The following SSPN variants were observed in gnomAD, a reference collection of about 807,000 sequenced individuals.
SSPN encodes the protein K-ras oncogene-associated protein.
SSPN carries 15 observed loss-of-function variants against 19.1 expected under a neutral mutation model. The observed-to-expected ratio is 0.78, with a 90% confidence interval of 0.52 to 1.21. The LOEUF (loss-of-function observed/expected upper bound fraction) is 1.21, where lower values mean the gene tolerates loss of function less well. Among genes scored for constraint, SSPN ranks in the 50% most tolerant of loss-of-function variants. The probability of loss-of-function intolerance (pLI) is 0.00; values close to 1 mark genes in which losing one functional copy is unlikely to be tolerated. For synonymous variants in SSPN, 147 were observed against 140.3 expected, an observed-to-expected ratio of 1.05 and a Z score of -0.34; for missense variants, 291 against 314.0, an observed-to-expected ratio of 0.93 and a Z score of 0.55.
intron 1 of SSPN, among the ~76,000 whole-genome samples, chr12:26,153,547 T>G (rs1398311534): frequency 2.0e-5 from 3 of 152,194 alleles, no homozygotes; most frequent in African/African-American, 7.2e-5. Flanking sequence ...TACTTAAATA[T>G]TTTTTGAATG....
chr12:26,137,636 G>GTATGTATATATATATA (rs1555175654), intron 1 of SSPN, among the ~76,000 whole-genome samples: 16 of 31,372 alleles, frequency 5.1e-4, no homozygotes, highest in African/African-American at 7.5e-4. Context: ...GTGTGTGTAT[G>GTATGTATATATATATA]TATATATATA....
chr12:26,176,564 A>G (rs1263744591), intron 1 of SSPN, among the ~76,000 whole-genome samples: 1 of 152,224 alleles, frequency 6.6e-6, no homozygotes, highest in Non-Finnish European at 1.5e-5. Flanking sequence ...GCGTCACTGT[A>G]CAGCTCCACT....
chr12:26,207,204 T>C (rs1019899930), intron 1 of SSPN, among the ~76,000 whole-genome samples: 2 of 152,228 alleles, frequency 1.3e-5, no homozygotes, highest in African/African-American at 4.8e-5. Flanking sequence ...TTGGTAATGA[T>C]TTTTAAATTT....
rs1379042748 is a variant in SSPN, at chr12:26,232,526, C to T, written c.*1450C>T. On this transcript the variant is annotated 3_prime_UTR_variant, in exon 3 of 3. Coordinates refer to ENST00000242729, the MANE Select transcript of SSPN (RefSeq NM_005086.5). ...AATAATTGAGTTCAATTCGCCTCTCCGCATTGCCTATTGATACACTTTACT... is the reference window on the plus strand; with the variant it reads ...AATAATTGAGTTCAATTCGCCTCTCTGCATTGCCTATTGATACACTTTACT... 1.8e-5 allele frequency: 18 copies of T among 985,304 alleles called. No homozygotes were observed. Among genetic ancestry groups the T allele is most frequent in the Admixed American group, 6.1e-5 (1 of 16,268 alleles). 61.0% of individuals were successfully genotyped at this position (985,304 alleles called of 1,614,324 possible).
chr12:26,185,711 A>G (rs1338950372), intron 1 of SSPN, among the ~76,000 whole-genome samples: 2 of 152,196 alleles, frequency 1.3e-5, no homozygotes, highest in Non-Finnish European at 2.9e-5. Context: ...GCCATGAGTG[A>G]CCACCTGCCG....
intron 1 of SSPN, among the ~76,000 whole-genome samples, chr12:26,186,635 G>A (rs1318628309): frequency 6.6e-6 from 1 of 152,320 alleles, no homozygotes; most frequent in African/African-American, 2.4e-5. Context: ...GTCTGTTATT[G>A]TAGAGATGAG....
intron 1 of SSPN, among the ~76,000 whole-genome samples, chr12:26,143,594 C>T (rs1168745644): frequency 6.6e-6 from 1 of 152,110 alleles, no homozygotes; most frequent in Non-Finnish European, 1.5e-5. Context: ...AGGTAGGATG[C>T]AGAATGGGTA....
chr12:26,161,502 A>T (rs550794814), intron 1 of SSPN, among the ~76,000 whole-genome samples: 6 of 152,136 alleles, frequency 3.9e-5, no homozygotes, highest in Non-Finnish European at 8.8e-5. Context: ...CCTGATCCCC[A>T]TTAATTGGCT....
intron 1 of SSPN, among the ~76,000 whole-genome samples, chr12:26,186,482 A>G (rs1944755180): frequency 6.6e-6 from 1 of 152,226 alleles, no homozygotes; most frequent in South Asian, 2.1e-4. Context: ...GACACCATAT[A>G]AAATATCTCT....
intron 1 of SSPN, among the ~76,000 whole-genome samples, chr12:26,142,000 A>G (rs1340074861): frequency 6.6e-6 from 1 of 152,196 alleles, no homozygotes; most frequent in African/African-American, 2.4e-5. Flanking sequence ...CTTGAAGAGA[A>G]AGTAGGAAAG....
intron 1 of SSPN, among the ~76,000 whole-genome samples, chr12:26,171,003 G>A (rs1944650597): frequency 6.6e-6 from 1 of 152,178 alleles, no homozygotes; most frequent in Non-Finnish European, 1.5e-5. Context: ...GAGACTTAGA[G>A]AGATTAAGTA....
chr12:26,163,813 T>C (rs1204938082), intron 1 of SSPN, among the ~76,000 whole-genome samples: 1 of 152,234 alleles, frequency 6.6e-6, no homozygotes. Flanking sequence ...ACTGATATGT[T>C]ATATCTTATA....
chr12:26,185,073 A>G (rs1315735586), intron 1 of SSPN, among the ~76,000 whole-genome samples: 4 of 152,236 alleles, frequency 2.6e-5, no homozygotes, highest in Non-Finnish European at 5.9e-5. Context: ...TGGATTGCTT[A>G]GGTCTTAGAA....
At position 26,124,551 on chromosome 12, in the gene SSPN, G is replaced by A; in HGVS notation, c.-31+2399G>A. 6.2e-7 allele frequency: 1 copy of A among 1,614,078 alleles called. No individual in the cohort carries two copies. The highest frequency in any genetic ancestry group is 8.5e-7 in the Non-Finnish European group (1 of 1,180,012). ...TCGTCTCGTTTCATGCTCCTTTTGG[G>A]TTTACACATATACAAAGAGGAATAG... On this transcript the variant is annotated intron_variant, in intron 1 of 2. Transcript: ENST00000538142.
intron 1 of SSPN, chr12:26,124,013 C>T (rs991725273): frequency 8.8e-7 from 1 of 1,136,668 alleles, no homozygotes; most frequent in Non-Finnish European, 1.3e-6. Flanking sequence ...TTCTGGGAGT[C>T]GCACCAGACT....
chr12:26,231,037 C>A lies in SSPN; in HGVS notation c.693C>A (p.Cys231Ter). The A allele has an allele frequency of 6.2e-7, 1 of 1,614,146 alleles. No individual in the cohort carries two copies. Residue 231 changes from cysteine (C) to a stop codon, truncating the protein, a stop_gained, in exon 3 of 3, where the codon TGC becomes TGA. Transcript: ENST00000242729. LOFTEE classifies it high-confidence loss of function. ...TCTTCTATGTGGGTGTCAGGATATG[C>A]TCCCTCACGGCTTCCGAAGGCCCCC... ...YQVFYVGVRI[C>*]SLTASEGPQQ...
chr12:26,157,174 G>A (rs1993973), intron 1 of SSPN, among the ~76,000 whole-genome samples: 121,126 of 152,074 alleles, frequency 0.8, 52,816 homozygotes, highest in Non-Finnish European at 0.96. Flanking sequence ...AGGGTTTTCC[G>A]GGTGCAGATT....
At chr12:26,130,124 A>T (rs1463177473) in intron 1 of SSPN, among the ~76,000 whole-genome samples, 1 of 152,206 alleles carries the variant, frequency 6.6e-6, no homozygotes, top group Non-Finnish European at 1.5e-5. Context: ...AAGGACTTTC[A>T]CAAAGTGTTC....
At chr12:26,162,583 G>A (rs554234837) in intron 1 of SSPN, among the ~76,000 whole-genome samples, 2 of 152,298 alleles carry the variant, frequency 1.3e-5, no homozygotes, top group Admixed American at 6.5e-5. Context: ...GAATGAAACC[G>A]CTCCAATATC....
Sources: allele counts gnomAD v4.1 joint callset (sites outside exome capture counted in the v4.1 genomes callset), GRCh38; gene constraint gnomAD v4.1.1; transcripts MANE v1.5; gene names NCBI Gene and HGNC (gene_info 2026-07-23, HGNC 2026-07-21).